The following TASOR variants were observed in gnomAD, a reference collection of about 807,000 sequenced individuals.
The protein encoded by TASOR is transcription activation suppressor.
TASOR carries 53 observed loss-of-function variants against 178.6 expected under a neutral mutation model. The observed-to-expected ratio is 0.30, with a 90% CI of 0.24 to 0.37. The LOEUF (loss-of-function observed/expected upper bound fraction) is 0.37. TASOR is among the 10% of genes least tolerant of loss of function. The probability of loss-of-function intolerance (pLI) is 1.00; values close to 1 mark genes in which losing one functional copy is unlikely to be tolerated. For missense variants in TASOR, 1,815 were observed against 1,971.4 expected (o/e 0.92, Z 1.50); for synonymous variants, 713 against 696.2 (o/e 1.02, Z -0.38).
Position 56,621,643 on chromosome 3 carries a change from T to TTTGA in TASOR, c.*1390_*1393dup. On this transcript the variant is annotated 3_prime_UTR_variant, in exon 24 of 24. Coordinates refer to ENST00000683822, the MANE Select transcript of TASOR (RefSeq NM_001365635.2). ...AATGTAGAAAATCAAATCCTTCACA[T>TTTGA]TTGATTTGTGTCTTCCAAATTATAA... 6.6e-7 allele frequency: 1 copy of TTTGA among 1,504,574 alleles called. No homozygotes were observed. The highest frequency in any genetic ancestry group is 9.1e-7 in the Non-Finnish European group (1 of 1,093,128). The allele number at this position is 1,504,574 out of a possible 1,614,324, so 93.2% of individuals were successfully genotyped here. A position where few individuals can be genotyped will look rare whatever the true frequency, so the allele number is the denominator to read the frequency against.
rs1231190304 is a variant in TASOR, at chr3:56,672,016, T to A, written c.478-324A>T. The stretch of plus-strand genomic sequence containing the variant: ...ATTTTACTTAACATGGTACACTGCA[T>A]CCAACAGGTGGTTTAATAAATCTGC... On this transcript the variant is annotated intron_variant, in intron 2 of 23. Coordinates refer to ENST00000683822, the MANE Select transcript of TASOR (RefSeq NM_001365635.2). 2.6e-5 allele frequency among the ~76,000 whole-genome samples: 4 copies of A among 152,308 alleles called. No individual in the cohort carries two copies. In the East Asian group the frequency reaches 7.7e-4, roughly 29 times the overall value.
chr3:56,636,473 C>T (rs1051877108), intron 17 of TASOR, among the ~76,000 whole-genome samples: 7 of 150,232 alleles, frequency 4.7e-5, no homozygotes, highest in Admixed American at 3.3e-4. Flanking sequence ...GGTGAGATCT[C>T]GGCTCACTGC....
rs149882815 is a variant in TASOR, at chr3:56,646,897, A to T, written c.1840T>A (p.Leu614Ile). ...AGTTCTTTTAATTTACAAATAGGTA[A>T]CTGATACACTTCAGGCCGAAAAATA... is the stretch of plus-strand genomic sequence containing the variant. ...AYIFRPEVYQ[L>I]PICKLKELFE... The change falls in exon 14 of 24, where the codon TTA becomes ATA. Residue 614 changes from leucine to isoleucine, a missense_variant. This residue lies in a region of TASOR where 504 missense variants were observed against 645.3 expected (regional missense o/e 0.78). Coordinates refer to ENST00000683822, the MANE Select transcript of TASOR (RefSeq NM_001365635.2). The T allele has an allele frequency of 1.1e-3, 1,699 of 1,609,970 alleles. 4 individuals carry two copies. Among genetic ancestry groups the T allele is most frequent in the Middle Eastern group, 2.5e-3 (15 of 6,048 alleles).
intron 11 of TASOR, among the ~76,000 whole-genome samples, chr3:56,652,278 T>C (rs2077368217): frequency 6.6e-6 from 1 of 152,162 alleles, no homozygotes; most frequent in Non-Finnish European, 1.5e-5. Context: ...TAGAATTATA[T>C]ACTTTAAAAT....
chr3:56,642,419 TGTAAA>T (rs2077143629), intron 14 of TASOR, among the ~76,000 whole-genome samples: 1 of 152,248 alleles, frequency 6.6e-6, no homozygotes, highest in South Asian at 2.1e-4. Context: ...TTTTAAAACT[TGTAAA>T]GGGCGCAAAC....
chr3:56,653,262 CAAAAAAAAA>C (rs1176419181), intron 11 of TASOR, among the ~76,000 whole-genome samples: 1 of 4,962 alleles, frequency 2.0e-4, no homozygotes, highest in Non-Finnish European at 4.0e-4. Flanking sequence ...GACTCCATCT[CAAAAAAAAA>C]AAAAAAAAAA....
In TASOR at chr3:56,622,541, A is replaced by T. The variant is rs1008240972; in HGVS notation, c.*496T>A. The stretch of plus-strand genomic sequence containing the variant: ...AAAATGTGTCCTATGTACATAGTTT[A>T]TTATCTAAATGAAACTGCACTGTTA... On this transcript the variant is annotated 3_prime_UTR_variant, in exon 24 of 24. Transcript: ENST00000683822. 2 of 152,676 alleles carry T rather than the reference A, an allele frequency of 1.3e-5. No individual in the cohort carries two copies. Among genetic ancestry groups the T allele is most frequent in the South Asian group, 2.1e-4 (1 of 4,838 alleles). The allele number at this position is 152,676 out of a possible 1,614,324, so 9.5% of individuals were successfully genotyped here.
intron 4 of TASOR, 99 bp downstream of exon 4, chr3:56,669,974 G>A: frequency 1.1e-6 from 1 of 928,816 alleles, no homozygotes. Context: ...ACATAATAAA[G>A]CATGAATTTA....
chr3:56,661,813 T>G (rs2077601535), intron 9 of TASOR, among the ~76,000 whole-genome samples: 1 of 152,172 alleles, frequency 6.6e-6, no homozygotes. Flanking sequence ...AAATTATATT[T>G]CAGACTTAAA....
Position 56,649,045 on chromosome 3 carries a change from G to T in TASOR, c.1381C>A (p.Pro461Thr). ...AAAAGGTATCCTCGGTCTCCCAAAG[G>T]TTTAACAAGAACCTGTATTTTGAGG... is the stretch of plus-strand genomic sequence containing the variant. Reference protein sequence around the residue: ...LDREKLVLVKPLGDRGYLFLL... With the variant: ...LDREKLVLVKTLGDRGYLFLL... Residue 461 changes from proline (P) to threonine (T), a missense_variant, in exon 12 of 24, where the codon CCT (proline) becomes ACT (threonine). Around this residue, in one of 5 missense-constraint regions of TASOR, gnomAD observed 504 missense variants for 645.3 expected, o/e 0.78. Coordinates refer to ENST00000683822, the MANE Select transcript of TASOR (RefSeq NM_001365635.2). The T allele has an allele frequency of 6.2e-7, 1 of 1,606,546 alleles. No individual in the cohort carries two copies. Among genetic ancestry groups the T allele is most frequent in the South Asian group, 1.1e-5 (1 of 88,732 alleles).
chr3:56,682,558 C>T, intron 1 of TASOR, 118 bp downstream of exon 1: 2 of 970,192 alleles, frequency 2.1e-6, no homozygotes, highest in Non-Finnish European at 2.8e-6. Flanking sequence ...GGAGAGGCGG[C>T]CGGCGCTGCA....
chr3:56,631,564 G>GTGTGTGTGTC (rs939750288), intron 18 of TASOR, among the ~76,000 whole-genome samples: 1 of 146,850 alleles, frequency 6.8e-6, no homozygotes, highest in African/African-American at 2.5e-5. Context: ...AGGCGTGTGT[G>GTGTGTGTGTC]TGTGTGTCTG....
chr3:56,666,669 A>C (rs1464079935), intron 6 of TASOR, among the ~76,000 whole-genome samples: 1 of 152,198 alleles, frequency 6.6e-6, no homozygotes, highest in Non-Finnish European at 1.5e-5. Flanking sequence ...AAAATATTAT[A>C]AACAGAGCCT....
intron 9 of TASOR, among the ~76,000 whole-genome samples, chr3:56,661,419 G>A (rs2077592901): frequency 6.6e-6 from 1 of 152,184 alleles, no homozygotes; most frequent in Non-Finnish European, 1.5e-5. Flanking sequence ...GCCTCCCAAA[G>A]TGTTGGGATT....
intron 19 of TASOR, 116 bp downstream of exon 19, chr3:56,628,376 C>A (rs2107532700): frequency 3.2e-6 from 3 of 941,506 alleles, no homozygotes; most frequent in South Asian, 3.2e-5. Flanking sequence ...ACAGATGGGT[C>A]CTTAAGTTTA....
At chr3:56,682,629 G>A (rs2031907982) in intron 1 of TASOR, 47 bp downstream of exon 1, 4 of 1,406,880 alleles carry the variant, frequency 2.8e-6, no homozygotes, top group South Asian at 3.1e-5. Flanking sequence ...CTAATGAAAA[G>A]ATGGAGGGGA....
At position 56,683,088 on chromosome 3, in the gene TASOR, C is replaced by T; in HGVS notation, c.-82G>A. Reference sequence around the variant, plus strand: ...GGGAAGGGGCGGCGGGCCAGTCTCGCCGCCGAGCTGCTCTCAGCCCACCCA... The same window carrying T: ...GGGAAGGGGCGGCGGGCCAGTCTCGTCGCCGAGCTGCTCTCAGCCCACCCA... On this transcript the variant is annotated 5_prime_UTR_variant, in exon 1 of 24. Coordinates refer to ENST00000683822, the MANE Select transcript of TASOR (RefSeq NM_001365635.2). The T allele has an allele frequency of 7.2e-7, 1 of 1,392,018 alleles. No homozygotes were observed. Among genetic ancestry groups the T allele is most frequent in the Admixed American group, 2.8e-5 (1 of 35,478 alleles). The allele number at this position is 1,392,018 out of a possible 1,614,324, so 86.2% of individuals were successfully genotyped here.
In TASOR at chr3:56,620,583, C is replaced by G. The variant is rs1167257505; in HGVS notation, c.*2454G>C. 6.6e-6 allele frequency: 1 copy of G among 152,212 alleles called. No individual in the cohort carries two copies. The highest frequency in any genetic ancestry group is 1.5e-5 in the Non-Finnish European group (1 of 68,046). 9.4% of individuals were successfully genotyped at this position (152,212 alleles called of 1,614,324 possible). On this transcript the variant is annotated 3_prime_UTR_variant, in exon 24 of 24. Transcript: ENST00000683822. ...TACCCTCTGCATTTCAAAATGTTGA[C>G]TCAGATGTTTTTCCCTCTACAGAAC...
intron 11 of TASOR, 86 bp from the exon 12 acceptor site, chr3:56,649,143 A>G (rs879881075): frequency 2.1e-6 from 2 of 934,950 alleles, no homozygotes; most frequent in Non-Finnish European, 3.1e-6. Context: ...TACTAATTGT[A>G]AAGAAAAAAA....
Sources: gnomAD v4.1 joint callset for allele counts (sites outside exome capture counted in the v4.1 genomes callset) on GRCh38, gnomAD v4.1.1 for gene constraint, gnomAD v4.1.1 regional missense constraint, MANE v1.5 for transcripts, NCBI Gene and HGNC (gene_info 2026-07-23, HGNC 2026-07-21) for gene names.